The following TATDN1 variants were observed in gnomAD, a reference collection of about 807,000 sequenced individuals.
The protein encoded by TATDN1 is deoxyribonuclease TATDN1.
TATDN1 carries 40 observed loss-of-function variants against 46.4 expected under a neutral mutation model. That is an observed-to-expected ratio of 0.86 (90% confidence interval 0.67 to 1.12). The LOEUF is 1.12. Among genes scored for constraint, TATDN1 ranks in the 50% most tolerant of loss-of-function variants. TATDN1 has a pLI of 0.00. For missense variants in TATDN1, 326 were observed against 348.4 expected, an observed-to-expected ratio of 0.94 and a Z score of 0.51; for synonymous variants, 95 against 105.6, an observed-to-expected ratio of 0.90 and a Z score of 0.62.
intron 9 of TATDN1, among the ~76,000 whole-genome samples, chr8:124,502,409 A>G (rs1473335010): frequency 6.6e-6 from 1 of 152,074 alleles, no homozygotes; most frequent in Non-Finnish European, 1.5e-5. Context: ...TGTAAGAGGA[A>G]GAGCAGAAAA....
chr8:124,502,856 T>C (rs1459550737), intron 9 of TATDN1, among the ~76,000 whole-genome samples: 1 of 152,132 alleles, frequency 6.6e-6, no homozygotes, highest in African/African-American at 2.4e-5. Flanking sequence ...ATTTAAAAAA[T>C]AGCCAGGTGT....
intron 11 of TATDN1, among the ~76,000 whole-genome samples, chr8:124,492,217 C>T (rs541360711): frequency 1.3e-5 from 2 of 152,144 alleles, no homozygotes; most frequent in East Asian, 1.9e-4. Context: ...TCAGGTGATC[C>T]GCCTGCCTTG....
chr8:124,507,462 G>C (rs2131418711), intron 8 of TATDN1, among the ~76,000 whole-genome samples: 1 of 152,210 alleles, frequency 6.6e-6, no homozygotes, highest in Middle Eastern at 3.4e-3. Context: ...AAGAGACGAA[G>C]AATATCATGC....
chr8:124,508,516 TG>T lies in TATDN1; in HGVS notation c.476-3del. ...GATCTCTATTTCTTTTCATTATGTC[TG>T]TGAATTAAAAACAAAGAACTTTTAG... On this transcript the variant is annotated splice_polypyrimidine_tract_variant and splice_region_variant and intron_variant, in intron 7 of 11. Transcript: ENST00000276692. 1 of 1,613,154 alleles carries T rather than the reference TG, an allele frequency of 6.2e-7. No individual in the cohort carries two copies. The highest frequency in any genetic ancestry group is 8.5e-7 in the Non-Finnish European group (1 of 1,179,368).
chr8:124,511,584 A>G (rs141204408), intron 6 of TATDN1, among the ~76,000 whole-genome samples: 4 of 152,304 alleles, frequency 2.6e-5, no homozygotes, highest in African/African-American at 9.6e-5. Context: ...AATACAGGGT[A>G]TGGCTTAAAG....
At chr8:124,525,520 T>G (rs565071919) in intron 1 of TATDN1, among the ~76,000 whole-genome samples, 2 of 152,272 alleles carry the variant, frequency 1.3e-5, no homozygotes, top group South Asian at 4.1e-4. Context: ...AATAAGTGAG[T>G]CTTTCTGAGC....
rs750039179 is a variant in TATDN1 at position 124,488,550 on chromosome 8, A to G, written c.*44T>C. ...ATTGAAACTATCAGGAAGTTTTACT[A>G]TGAAATTTTACATACATGATGGAAA... is the stretch of plus-strand genomic sequence containing the variant. On this transcript the variant is annotated 3_prime_UTR_variant, in exon 12 of 12. Coordinates refer to ENST00000276692, the MANE Select transcript of TATDN1 (RefSeq NM_032026.4). The G allele has an allele frequency of 2.9e-6, 3 of 1,052,052 alleles. No individual in the cohort carries two copies. The Admixed American group carries it at 6.7e-5, about 24-fold the overall frequency. 65.2% of individuals were successfully genotyped at this position (1,052,052 alleles called of 1,614,324 possible). A position where few individuals can be genotyped will look rare whatever the true frequency, so the allele number is the denominator to read the frequency against.
chr8:124,534,001 C>T (rs1821200479), intron 1 of TATDN1, among the ~76,000 whole-genome samples: 3 of 151,696 alleles, frequency 2.0e-5, no homozygotes, highest in African/African-American at 7.3e-5. Context: ...AAAAAATTAG[C>T]CGGGCGTGGT....
At chr8:124,511,686 G>A (rs1021897854) in intron 6 of TATDN1, among the ~76,000 whole-genome samples, 1 of 151,338 alleles carries the variant, frequency 6.6e-6, no homozygotes. Context: ...TCCAGAAAAG[G>A]TCTAGGTACT....
chr8:124,538,860 C>T (rs1821744610), intron 1 of TATDN1, 165 bp downstream of exon 1: 2 of 714,572 alleles, frequency 2.8e-6, no homozygotes, highest in Non-Finnish European at 5.0e-6. Context: ...GATCAAGAAC[C>T]AGAGCATTAC....
At chr8:124,515,616 C>T in intron 6 of TATDN1, 130 bp downstream of exon 6, 1 of 801,870 alleles carries the variant, frequency 1.2e-6, no homozygotes, top group Non-Finnish European at 2.0e-6. Flanking sequence ...GTTTCACTTA[C>T]TTTTGATATA....
intron 9 of TATDN1, among the ~76,000 whole-genome samples, chr8:124,503,249 T>C (rs1219190163): frequency 1.3e-5 from 2 of 151,946 alleles, no homozygotes; most frequent in Admixed American, 6.6e-5. Context: ...CCAATGAGAA[T>C]AGACAAAGGG....
chr8:124,504,244 A>C, intron 9 of TATDN1, 27 bp downstream of exon 9: 1 of 1,539,034 alleles, frequency 6.5e-7, no homozygotes, highest in Non-Finnish European at 8.8e-7. Flanking sequence ...AATAAAAGTT[A>C]AAAACCAAAG....
intron 8 of TATDN1, among the ~76,000 whole-genome samples, chr8:124,506,567 A>G (rs1008981255): frequency 6.6e-6 from 1 of 152,202 alleles, no homozygotes; most frequent in Non-Finnish European, 1.5e-5. Flanking sequence ...GTGCACAGTA[A>G]TATTAACATT....
rs532786783 is a variant in TATDN1, at chr8:124,526,078, T to A, written c.23-3076A>T. Reference sequence around the variant, plus strand: ...GACGCCAAGTGGCCCTAAAATGCCATACACCCTATAGTTCAACAATACATA... The same window carrying A: ...GACGCCAAGTGGCCCTAAAATGCCAAACACCCTATAGTTCAACAATACATA... On this transcript the variant is annotated intron_variant, in intron 1 of 11. Transcript: ENST00000276692. Among the ~76,000 whole-genome samples the A allele has an allele frequency of 4.0e-4, 61 of 152,332 alleles. 1 individual carries two copies. In the South Asian group the frequency reaches 0.012, roughly 31 times the overall value.
intron 1 of TATDN1, 196 bp downstream of exon 1, chr8:124,538,829 C>A (rs1183513150): frequency 3.2e-6 from 2 of 634,844 alleles, no homozygotes; most frequent in Non-Finnish European, 5.7e-6. Flanking sequence ...AATAAATACA[C>A]CCTCGTGAAT....
chr8:124,503,820 T>A, intron 9 of TATDN1: 1 of 959,384 alleles, frequency 1.0e-6, no homozygotes, highest in Non-Finnish European at 1.5e-6. Flanking sequence ...TGGGTTCTCA[T>A]ACTTGGAGAA....
chr8:124,498,391 A>G (rs1183596408), intron 9 of TATDN1, among the ~76,000 whole-genome samples: 2 of 151,854 alleles, frequency 1.3e-5, no homozygotes, highest in East Asian at 3.9e-4. Flanking sequence ...CTCACCATAC[A>G]GTTTTTTCAA....
At chr8:124,517,307 A>T (rs1819563375) in intron 4 of TATDN1, among the ~76,000 whole-genome samples, 1 of 152,154 alleles carries the variant, frequency 6.6e-6, no homozygotes, top group African/African-American at 2.4e-5. Flanking sequence ...ACACGCCTGT[A>T]ATCCCAGCTA....
Sources: allele counts gnomAD v4.1 joint callset (sites outside exome capture counted in the v4.1 genomes callset), GRCh38; gene constraint gnomAD v4.1.1; transcripts MANE v1.5; gene names NCBI Gene and HGNC (gene_info 2026-07-23, HGNC 2026-07-21).